Variants in KCNQ1 observed in about 807,000 individuals in gnomAD.
KCNQ1 encodes potassium voltage-gated channel subfamily KQT member 1.
A neutral mutation model predicts 72.4 loss-of-function variants in KCNQ1; 49 were observed. The ratio of observed to expected loss-of-function variants is 0.68; its 90% CI spans 0.54 to 0.86. KCNQ1 has a LOEUF of 0.86. Among genes scored for constraint, KCNQ1 ranks in the 40% least tolerant of loss-of-function variants. The pLI is 0.00. For missense variants in KCNQ1, 790 were observed against 945.1 expected (o/e 0.84, Z 2.15); for synonymous variants, 450 against 412.6 (o/e 1.09, Z -1.10).
chr11:2,661,443 C>T lies in KCNQ1; in HGVS notation c.1394-518C>T, dbSNP rs117858286. 0.012 allele frequency: 5,068 copies of T among 438,706 alleles called. 146 individuals carry two copies. Among genetic ancestry groups the T allele is most frequent in the East Asian group, 0.076 (2,305 of 30,396 alleles). The allele number at this position is 438,706 out of a possible 1,614,324, so 27.2% of individuals were successfully genotyped here. A position where few individuals can be genotyped will look rare whatever the true frequency, so the allele number is the denominator to read the frequency against. Reference sequence around the variant, plus strand: ...GGGGTACAACTGGTTGATGTAGCATCGTGTTTTGAGGAAGGAGTTCTGTGG... The same window carrying T: ...GGGGTACAACTGGTTGATGTAGCATTGTGTTTTGAGGAAGGAGTTCTGTGG... On this transcript the variant is annotated intron_variant, in intron 10 of 15. Coordinates refer to ENST00000155840, the MANE Select transcript of KCNQ1 (RefSeq NM_000218.3). The surrounding 1 kb of genome is among the most constrained non-coding windows in gnomAD (Gnocchi z 5.9).
intron 15 of KCNQ1, among the ~76,000 whole-genome samples, chr11:2,846,827 G>A (rs34075935): frequency 0.18 from 26,694 of 152,284 alleles, 3,049 homozygotes; most frequent in Non-Finnish European, 0.26. Flanking sequence ...GCAGCACTGC[G>A]AGGCCTCTGA....
intron 11 of KCNQ1, chr11:2,693,090 A>G (rs1850615376): frequency 1.5e-5 from 6 of 398,448 alleles, no homozygotes; most frequent in Non-Finnish European, 2.2e-5. Context: ...ATGGCTCCTT[A>G]CTCTTTAAGA....
chr11:2,675,938 G>A, intron 11 of KCNQ1: 1 of 398,594 alleles, frequency 2.5e-6, no homozygotes, highest in Non-Finnish European at 4.4e-6. Context: ...TTACACACAT[G>A]GTAAAACCAA....
Position 2,673,659 on chromosome 11 carries a change from G to T in KCNQ1, c.1514+11578G>T, listed in dbSNP as rs1463250612. 2 of 398,638 alleles carry T rather than the reference G, an allele frequency of 5.0e-6. No homozygotes were observed. The highest frequency in any genetic ancestry group is 8.8e-6 in the Non-Finnish European group (2 of 226,166). 24.7% of individuals were successfully genotyped at this position (398,638 alleles called of 1,614,324 possible). On this transcript the variant is annotated intron_variant, in intron 11 of 15. Coordinates refer to ENST00000155840, the MANE Select transcript of KCNQ1 (RefSeq NM_000218.3). The surrounding 1 kb of genome is among the most constrained non-coding windows in gnomAD (Gnocchi z 4.5). The stretch of plus-strand genomic sequence containing the variant: ...ATGACCACCCTGACTCATGTCCCTT[G>T]TCTGCATAGGTGTTTTCCTATAAAT...
rs555223923 is a variant in KCNQ1, at chr11:2,603,777, G to A, written c.1393+14923G>A. ...GCGATGTCGGCTCACTGCAACCTCC[G>A]CCTCCCGGGTTCAAGCAATTCACCC... On this transcript the variant is annotated intron_variant, in intron 10 of 15. Coordinates refer to ENST00000155840, the MANE Select transcript of KCNQ1 (RefSeq NM_000218.3). The surrounding 1 kb of genome is among the most constrained non-coding windows in gnomAD (Gnocchi z 4.1). Among the ~76,000 whole-genome samples the A allele has an allele frequency of 7.9e-5, 12 of 151,740 alleles. No individual in the cohort carries two copies. The highest frequency in any genetic ancestry group is 2.4e-4 in the African/African-American group (10 of 41,358).
chr11:2,486,354 T>C lies in KCNQ1; in HGVS notation c.386+40870T>C, dbSNP rs1183068390. Among the ~76,000 whole-genome samples, 2 of 152,234 alleles carry C rather than the reference T, an allele frequency of 1.3e-5. No homozygotes were observed. The highest frequency in any genetic ancestry group is 2.9e-5 in the Non-Finnish European group (2 of 68,038). ...CTTCATTAAATTGAGAGGTTTGTTT[T>C]TGCTGTTGAGTTTTAGAACTTCTCT... On this transcript the variant is annotated intron_variant, in intron 1 of 15. Transcript: ENST00000155840. The surrounding 1 kb of genome is among the most constrained non-coding windows in gnomAD (Gnocchi z 5.0).
intron 15 of KCNQ1, among the ~76,000 whole-genome samples, chr11:2,799,461 G>T (rs1476638575): frequency 6.6e-6 from 1 of 151,912 alleles, no homozygotes; most frequent in Non-Finnish European, 1.5e-5. Context: ...TGTGTGGTGT[G>T]GTGTGTTTGT....
rs1846388238 is a variant in KCNQ1, at chr11:2,468,558, C to T, written c.386+23074C>T. Among the ~76,000 whole-genome samples, 1 of 152,152 alleles carries T rather than the reference C, an allele frequency of 6.6e-6. No homozygotes were observed. Among genetic ancestry groups the T allele is most frequent in the Admixed American group, 6.5e-5 (1 of 15,280 alleles). On this transcript the variant is annotated intron_variant, in intron 1 of 15. Transcript: ENST00000155840. This position sits in a 1 kb window ranked among gnomAD's most constrained non-coding sequence, Gnocchi z 5.7. Reference sequence around the variant, plus strand: ...GTGAAGCCAGCATCAGCAGAGTGGGCACACCCATCACCCTCACAGCGTCCC... The same window carrying T: ...GTGAAGCCAGCATCAGCAGAGTGGGTACACCCATCACCCTCACAGCGTCCC...
At chr11:2,575,429 G>C (rs145738632) in intron 6 of KCNQ1, among the ~76,000 whole-genome samples, 1,604 of 152,324 alleles carry the variant, frequency 0.011, 23 homozygotes, top group African/African-American at 0.036. Flanking sequence ...CAGCTGTCTG[G>C]GGGGAGCGGC....
At position 2,683,793 on chromosome 11, in the gene KCNQ1, C is replaced by T; in HGVS notation, c.1514+21712C>T. 5.0e-6 allele frequency: 2 copies of T among 398,620 alleles called. No homozygotes were observed. Among genetic ancestry groups the T allele is most frequent in the Non-Finnish European group, 8.8e-6 (2 of 226,072 alleles). 24.7% of individuals were successfully genotyped at this position (398,620 alleles called of 1,614,324 possible). A position where few individuals can be genotyped will look rare whatever the true frequency, so the allele number is the denominator to read the frequency against. ...TAAGGCTGGCTGCTCTTACTCTATA[C>T]CCCAAAATCCCAGCCACTAGCTTGC... On this transcript the variant is annotated intron_variant, in intron 11 of 15. Coordinates refer to ENST00000155840, the MANE Select transcript of KCNQ1 (RefSeq NM_000218.3). This position sits in a 1 kb window ranked among gnomAD's most constrained non-coding sequence, Gnocchi z 4.7.
intron 11 of KCNQ1, among the ~76,000 whole-genome samples, chr11:2,700,371 TCAC>T (rs1850784410): frequency 6.6e-6 from 1 of 152,040 alleles, no homozygotes; most frequent in Non-Finnish European, 1.5e-5. Context: ...CGTGATGTGT[TCAC>T]CACCCCGGGG....
chr11:2,522,110 G>A (rs889347473), intron 1 of KCNQ1, among the ~76,000 whole-genome samples: 69 of 152,342 alleles, frequency 4.5e-4, no homozygotes, highest in Admixed American at 1.8e-3. Context: ...GCTGGTACTC[G>A]CCGTCACTGC....
At chr11:2,510,702 A>G (rs1847185663) in intron 1 of KCNQ1, among the ~76,000 whole-genome samples, 1 of 152,188 alleles carries the variant, frequency 6.6e-6, no homozygotes, top group Non-Finnish European at 1.5e-5. Flanking sequence ...CCTTCCTTCC[A>G]GCTGGTCTCT....
rs1168766041 is a variant in KCNQ1 at position 2,592,520 on chromosome 11, G to A, written c.1393+3666G>A. On this transcript the variant is annotated intron_variant, in intron 10 of 15. Transcript: ENST00000155840. The surrounding 1 kb of genome is among the most constrained non-coding windows in gnomAD (Gnocchi z 5.2). Reference sequence around the variant, plus strand: ...TTCTGACCTGGGTGGGGAGGGAGGGGAATGTCAGCAGCCACCCAGCCCGAG... The same window carrying A: ...TTCTGACCTGGGTGGGGAGGGAGGGAAATGTCAGCAGCCACCCAGCCCGAG... 6.6e-6 allele frequency among the ~76,000 whole-genome samples: 1 copy of A among 152,200 alleles called. No individual in the cohort carries two copies. Among genetic ancestry groups the A allele is most frequent in the Non-Finnish European group, 1.5e-5 (1 of 68,024 alleles).
intron 1 of KCNQ1, among the ~76,000 whole-genome samples, chr11:2,524,281 G>A (rs946932102): frequency 6.6e-6 from 1 of 152,134 alleles, no homozygotes; most frequent in Non-Finnish European, 1.5e-5. Flanking sequence ...GTCTCATACC[G>A]AGGGTCAAAG....
In KCNQ1 at chr11:2,585,114, T is replaced by C. The variant is rs1848573327; in HGVS notation, c.1033-98T>C. The C allele has an allele frequency of 2.2e-5, 24 of 1,079,340 alleles. No individual in the cohort carries two copies. The South Asian group carries it at 2.5e-4, about 11-fold the overall frequency. The allele number at this position is 1,079,340 out of a possible 1,614,324, so 66.9% of individuals were successfully genotyped here. ...GGGGGCTTCCAGCACTGACCATACC[T>C]GGCCTTCCCACAACGGTGACCGGTA... On this transcript the variant is annotated intron_variant, in intron 7 of 15. Coordinates refer to ENST00000155840, the MANE Select transcript of KCNQ1 (RefSeq NM_000218.3).
At position 2,838,219 on chromosome 11, in the gene KCNQ1, G is replaced by T. The variant is rs568911160; in HGVS notation, c.1795-9548G>T. Among the ~76,000 whole-genome samples, 52 of 152,376 alleles carry T rather than the reference G, an allele frequency of 3.4e-4. No homozygotes were observed. The South Asian group carries it at 8.3e-3, about 24-fold the overall frequency. Reference sequence around the variant, plus strand: ...AAGGAAGCCAGACTGACCTCACGTGGCTCACAGCCACTGGCAGGGTCGGGG... The same window carrying T: ...AAGGAAGCCAGACTGACCTCACGTGTCTCACAGCCACTGGCAGGGTCGGGG... On this transcript the variant is annotated intron_variant, in intron 15 of 15. Coordinates refer to ENST00000155840, the MANE Select transcript of KCNQ1 (RefSeq NM_000218.3).
At position 2,491,599 on chromosome 11, in the gene KCNQ1, C is replaced by A. The variant is rs1846836733; in HGVS notation, c.387-36329C>A. Reference sequence around the variant, plus strand: ...AGAAAATAGCCTCAAAAGGGCAAATCTAAGATTTATTGACCTTAAAGAGGA... The same window carrying A: ...AGAAAATAGCCTCAAAAGGGCAAATATAAGATTTATTGACCTTAAAGAGGA... On this transcript the variant is annotated intron_variant, in intron 1 of 15. Transcript: ENST00000155840. This position sits in a 1 kb window ranked among gnomAD's most constrained non-coding sequence, Gnocchi z 4.1. 6.6e-6 allele frequency among the ~76,000 whole-genome samples: 1 copy of A among 152,032 alleles called. No individual in the cohort carries two copies. The highest frequency in any genetic ancestry group is 2.4e-5 in the African/African-American group (1 of 41,364).
At position 2,657,814 on chromosome 11, in the gene KCNQ1, G is replaced by A. The variant is rs1225415167; in HGVS notation, c.1394-4147G>A. The A allele has an allele frequency of 5.0e-6, 2 of 398,428 alleles. No individual in the cohort carries two copies. The highest frequency in any genetic ancestry group is 4.4e-5 in the Admixed American group (1 of 22,720). 24.7% of individuals were successfully genotyped at this position (398,428 alleles called of 1,614,324 possible). Reference sequence around the variant, plus strand: ...ACCAGTCAGGTGTCATTGTCCCTCAGTTTGGATTTGTCTGGTGTTTTCTCA... The same window carrying A: ...ACCAGTCAGGTGTCATTGTCCCTCAATTTGGATTTGTCTGGTGTTTTCTCA... On this transcript the variant is annotated intron_variant, in intron 10 of 15. Transcript: ENST00000155840. The surrounding 1 kb of genome is among the most constrained non-coding windows in gnomAD (Gnocchi z 4.8).
Sources: allele counts gnomAD v4.1 joint callset (sites outside exome capture counted in the v4.1 genomes callset), GRCh38; gene constraint gnomAD v4.1.1; non-coding constraint Gnocchi (gnomAD v3.1); transcripts MANE v1.5; gene names NCBI Gene and HGNC (gene_info 2026-07-23, HGNC 2026-07-21).